ANXA5: variants seen among roughly 807,000 people sequenced by gnomAD.
ANXA5 encodes the protein CBP-I.
ANXA5 carries 40 observed loss-of-function variants against 48.1 expected under a neutral mutation model. The ratio of observed to expected loss-of-function variants is 0.83; its 90% CI spans 0.65 to 1.08. The LOEUF (loss-of-function observed/expected upper bound fraction) is 1.08. Ranked by LOEUF, ANXA5 falls within the 50% of genes least tolerant of loss-of-function variation. The probability of loss-of-function intolerance (pLI) is 0.00; values close to 1 mark genes in which losing one functional copy is unlikely to be tolerated. For synonymous variants in ANXA5, 113 were observed against 129.1 expected (o/e 0.88, Z 0.85); for missense variants, 357 against 376.8 (o/e 0.95, Z 0.44).
At chr4:121,670,192 C>G (rs1302224500) in intron 10 of ANXA5, among the ~76,000 whole-genome samples, 180 bp from the exon 11 acceptor site, 1 of 152,188 alleles carries the variant, frequency 6.6e-6, no homozygotes, top group Non-Finnish European at 1.5e-5. Flanking sequence ...TTCTTAGACA[C>G]TGGCTTAGGT....
rs754079941 is a variant in ANXA5, at chr4:121,678,367, C to A, written c.474+48G>T. ...CTTACTTAACTAGATTCAGCCCAGT[C>A]CAACTTCAGGCTTTTTAATCAAACT... On this transcript the variant is annotated intron_variant, in intron 7 of 12. Transcript: ENST00000296511. 14 of 1,510,504 alleles carry A rather than the reference C, an allele frequency of 9.3e-6. No homozygotes were observed. In the East Asian group the frequency reaches 2.0e-4, roughly 22 times the overall value. 93.6% of individuals were successfully genotyped at this position (1,510,504 alleles called of 1,614,324 possible).
chr4:121,684,570 A>T, intron 4 of ANXA5, 107 bp downstream of exon 4: 1 of 947,086 alleles, frequency 1.1e-6, no homozygotes, highest in Non-Finnish European at 1.6e-6. Context: ...GGGAAGTCGG[A>T]ATCACAAAAT....
chr4:121,695,910 AG>A (rs1489414019), intron 2 of ANXA5, among the ~76,000 whole-genome samples: 42 of 151,346 alleles, frequency 2.8e-4, no homozygotes, highest in African/African-American at 9.3e-4. Context: ...TCAAAAAAAA[AG>A]GAAAAAAAAA....
chr4:121,692,904 A>G (rs899722882), intron 2 of ANXA5, among the ~76,000 whole-genome samples: 6 of 152,256 alleles, frequency 3.9e-5, no homozygotes, highest in African/African-American at 1.4e-4. Context: ...TCATGCATTC[A>G]TGAATGCATG....
chr4:121,669,337 G>A, intron 12 of ANXA5: 1 of 362,052 alleles, frequency 2.8e-6, no homozygotes, highest in Non-Finnish European at 4.9e-6. Context: ...AAGGGGTTTG[G>A]TTTGTTGAGT....
chr4:121,676,081 C>T (rs1724693683), intron 8 of ANXA5, among the ~76,000 whole-genome samples: 1 of 152,154 alleles, frequency 6.6e-6, no homozygotes, highest in Non-Finnish European at 1.5e-5. Context: ...GAACTCCTAT[C>T]CTACTCTTGA....
intron 8 of ANXA5, among the ~76,000 whole-genome samples, chr4:121,676,680 C>A (rs7675369): frequency 2.0e-5 from 2 of 97,778 alleles, no homozygotes; most frequent in African/African-American, 9.2e-5. Flanking sequence ...AGCCTGGGGG[C>A]GGGGGGGGGT....
chr4:121,687,454 G>A (rs1443460457), intron 2 of ANXA5, among the ~76,000 whole-genome samples: 1 of 152,052 alleles, frequency 6.6e-6, no homozygotes, highest in Non-Finnish European at 1.5e-5. Flanking sequence ...CAAAACTCCT[G>A]CTTAGGTACC....
At chr4:121,689,785 C>G (rs1359613902) in intron 2 of ANXA5, among the ~76,000 whole-genome samples, 1 of 152,114 alleles carries the variant, frequency 6.6e-6, no homozygotes, top group Non-Finnish European at 1.5e-5. Context: ...CAAGATGGAA[C>G]CGACTGTGCA....
rs181381815 is a variant in ANXA5 at position 121,693,032 on chromosome 4, G to A, written c.9+3549C>T. ...ACGGATCACTTGAGGTTAGGAGTTC[G>A]AGACTAGCCTGGCCAACATGGCGAA... On this transcript the variant is annotated intron_variant, in intron 2 of 12. Coordinates refer to ENST00000296511, the MANE Select transcript of ANXA5 (RefSeq NM_001154.4). 1.9e-4 allele frequency among the ~76,000 whole-genome samples: 29 copies of A among 152,284 alleles called. No individual in the cohort carries two copies. The East Asian group carries it at 5.2e-3, about 27-fold the overall frequency.
Position 121,679,473 on chromosome 4 carries a change from C to T in ANXA5, c.395-979G>A, listed in dbSNP as rs559406929. On this transcript the variant is annotated intron_variant, in intron 6 of 12. Transcript: ENST00000296511. ...CCTCAATTGTTCCTTCAGCACTCCA[C>T]TGCTCATTCAGGAATTTACAGTGCC... is the stretch of plus-strand genomic sequence containing the variant. Among the ~76,000 whole-genome samples the T allele has an allele frequency of 3.3e-5, 5 of 152,324 alleles. No individual in the cohort carries two copies. The East Asian group carries it at 9.6e-4, about 29-fold the overall frequency.
intron 2 of ANXA5, among the ~76,000 whole-genome samples, chr4:121,690,729 G>A (rs1477955805): frequency 6.6e-6 from 1 of 152,092 alleles, no homozygotes; most frequent in Non-Finnish European, 1.5e-5. Context: ...AAGGAAATTA[G>A]GTGAAAGATG....
chr4:121,688,933 A>G (rs1015249816), intron 2 of ANXA5, among the ~76,000 whole-genome samples: 4 of 152,124 alleles, frequency 2.6e-5, no homozygotes, highest in Admixed American at 1.3e-4. Flanking sequence ...AGAGCTGTTC[A>G]TTCCACCAAG....
At chr4:121,673,968 G>A (rs2110480504) in intron 8 of ANXA5, among the ~76,000 whole-genome samples, 1 of 151,724 alleles carries the variant, frequency 6.6e-6, no homozygotes, top group South Asian at 2.1e-4. Context: ...GATCGCTTGA[G>A]CCCAGGAGTT....
At chr4:121,689,630 T>C (rs570835728) in intron 2 of ANXA5, among the ~76,000 whole-genome samples, 78 of 151,910 alleles carry the variant, frequency 5.1e-4, no homozygotes, top group African/African-American at 3.1e-4. Flanking sequence ...AGCAGTAAGG[T>C]TGAAACAAAA....
At chr4:121,684,128 C>T (rs1041644312) in intron 4 of ANXA5, among the ~76,000 whole-genome samples, 3 of 152,036 alleles carry the variant, frequency 2.0e-5, no homozygotes, top group African/African-American at 7.2e-5. Flanking sequence ...AAGTGACATA[C>T]GTTTTCAGAA....
chr4:121,681,585 A>C, intron 6 of ANXA5, 86 bp downstream of exon 6: 1 of 834,574 alleles, frequency 1.2e-6, no homozygotes, highest in South Asian at 1.7e-5. Context: ...CGTGCCTCCC[A>C]TACCTACAAA....
intron 2 of ANXA5, among the ~76,000 whole-genome samples, chr4:121,694,636 G>C (rs1725048191): frequency 1.3e-5 from 2 of 152,188 alleles, no homozygotes; most frequent in Non-Finnish European, 1.5e-5. Flanking sequence ...ACGTGCCTCA[G>C]CCTCCCAAAG....
chr4:121,689,011 G>A (rs1472124817), intron 2 of ANXA5, among the ~76,000 whole-genome samples: 2 of 152,028 alleles, frequency 1.3e-5, no homozygotes, highest in East Asian at 3.9e-4. Context: ...GATACATAAA[G>A]ACCAATAGAT....
Sources: gnomAD v4.1 joint callset for allele counts (sites outside exome capture counted in the v4.1 genomes callset) on GRCh38, gnomAD v4.1.1 for gene constraint, MANE v1.5 for transcripts, NCBI Gene and HGNC (gene_info 2026-07-23, HGNC 2026-07-21) for gene names.